Variants in RASGRF2 observed in about 807,000 individuals in gnomAD.
The protein encoded by RASGRF2 is Ras protein specific guanine nucleotide releasing factor 2, also known as ras-specific guanine nucleotide-releasing factor 2.
A neutral mutation model predicts 151.0 loss-of-function variants in RASGRF2; 76 were observed. That is an observed-to-expected ratio of 0.50 (90% CI 0.42 to 0.61). The LOEUF is 0.61. Among genes scored for constraint, RASGRF2 ranks in the 20% least tolerant of loss-of-function variants. The pLI, the probability that RASGRF2 is intolerant of heterozygous loss-of-function variation, is 0.00. For missense variants in RASGRF2, 1,148 were observed against 1,564.6 expected, an observed-to-expected ratio of 0.73 and a Z score of 4.49; for synonymous variants, 504 against 566.5, an observed-to-expected ratio of 0.89 and a Z score of 1.57.
intron 12 of RASGRF2, among the ~76,000 whole-genome samples, chr5:81,103,279 TATATAGGTATAGA>T (rs1265742027): frequency 6.6e-6 from 1 of 152,026 alleles, no homozygotes; most frequent in Non-Finnish European, 1.5e-5. Context: ...TCTATACCTA[TATATAGGTATAGA>T]ATATAGGTAT....
intron 17 of RASGRF2, among the ~76,000 whole-genome samples, chr5:81,150,022 T>C (rs1347002858): frequency 6.6e-6 from 1 of 152,126 alleles, no homozygotes; most frequent in Non-Finnish European, 1.5e-5. Flanking sequence ...TTCTTATTAC[T>C]TTAAGGAGGG....
At chr5:81,186,238 G>GT (rs1219666103) in intron 18 of RASGRF2, among the ~76,000 whole-genome samples, 1 of 152,198 alleles carries the variant, frequency 6.6e-6, no homozygotes, top group Admixed American at 6.5e-5. Context: ...AAACTTCAGT[G>GT]TGTAGGTCAG....
chr5:80,965,925 A>C (rs1747707429), intron 1 of RASGRF2, among the ~76,000 whole-genome samples: 1 of 152,178 alleles, frequency 6.6e-6, no homozygotes, highest in Non-Finnish European at 1.5e-5. Flanking sequence ...ATTTTTTGGA[A>C]TGAAATTACT....
chr5:81,208,909 A>G (rs1268572825), intron 22 of RASGRF2, among the ~76,000 whole-genome samples: 1 of 151,882 alleles, frequency 6.6e-6, no homozygotes, highest in Admixed American at 6.6e-5. Context: ...AATCTCTAAG[A>G]GCTCACAGTA....
At chr5:80,966,723 A>G (rs1350429607) in intron 1 of RASGRF2, among the ~76,000 whole-genome samples, 1 of 152,210 alleles carries the variant, frequency 6.6e-6, no homozygotes, top group African/African-American at 2.4e-5. Context: ...ACAGAGATGC[A>G]AAAAGCACAT....
intron 20 of RASGRF2, among the ~76,000 whole-genome samples, 162 bp from the exon 21 acceptor site, chr5:81,207,084 T>C (rs17228156): frequency 0.054 from 8,224 of 152,332 alleles, 278 homozygotes; most frequent in Middle Eastern, 0.12. Flanking sequence ...AAGATATTCA[T>C]GTTGGCTTTG....
At position 81,212,400 on chromosome 5, in the gene RASGRF2, A is replaced by G. The variant is rs528492388; in HGVS notation, c.3191A>G (p.Tyr1064Cys). ...CTGGTGGCCTCCCAGATAATGAACT[A>G]TGCTGATGTCAGCTCCCGTGCCAAC... ...SNLVASQIMN[Y>C]ADVSSRANAI... The change falls in exon 23 of 27, where the codon TAT becomes TGT. Residue 1064 changes from tyrosine (Y) to cysteine (C), a missense_variant. By Grantham distance (194) the Tyr-to-Cys change is radical (BLOSUM62 -2). Transcript: ENST00000265080. The G allele has an allele frequency of 1.6e-5, 26 of 1,613,430 alleles. No individual in the cohort carries two copies. The highest frequency in any genetic ancestry group is 3.3e-5 in the Admixed American group (2 of 59,938).
At chr5:81,219,574 G>A (rs1206090509) in intron 25 of RASGRF2, 136 bp from the exon 26 acceptor site, 5 of 635,120 alleles carry the variant, frequency 7.9e-6, no homozygotes, top group Non-Finnish European at 1.1e-5. Context: ...GGAATGGTCA[G>A]GCAGGCTCCA....
At chr5:81,089,392 A>C (rs982370275) in intron 9 of RASGRF2, among the ~76,000 whole-genome samples, 1 of 151,988 alleles carries the variant, frequency 6.6e-6, no homozygotes, top group Non-Finnish European at 1.5e-5. Context: ...CCTTATGTGA[A>C]TTTTTATTCA....
intron 2 of RASGRF2, among the ~76,000 whole-genome samples, chr5:81,043,238 AGCAC>A (rs1750734675): frequency 6.6e-6 from 1 of 152,222 alleles, no homozygotes; most frequent in African/African-American, 2.4e-5. Flanking sequence ...CTATGTGCCA[AGCAC>A]TATTATATGT....
chr5:81,112,458 A>G (rs1753023226), intron 13 of RASGRF2, 152 bp from the exon 14 acceptor site: 2 of 1,016,068 alleles, frequency 2.0e-6, no homozygotes, highest in Admixed American at 2.4e-5. Flanking sequence ...TCCCCCAAGA[A>G]TACTGAGGGA....
At chr5:80,995,696 T>TCCCCCG in intron 1 of RASGRF2, among the ~76,000 whole-genome samples, 1 of 111,798 alleles carries the variant, frequency 8.9e-6, no homozygotes, top group African/African-American at 3.3e-5. Context: ...CCCCCCCCTT[T>TCCCCCG]TTTTTTTTTT....
intron 17 of RASGRF2, among the ~76,000 whole-genome samples, chr5:81,136,480 G>T (rs1753756927): frequency 6.6e-6 from 1 of 152,024 alleles, no homozygotes; most frequent in Non-Finnish European, 1.5e-5. Flanking sequence ...CTTCTTGCTT[G>T]CCTGGTTTCT....
intron 17 of RASGRF2, among the ~76,000 whole-genome samples, chr5:81,155,264 A>T (rs1754233976): frequency 1.3e-5 from 2 of 152,180 alleles, no homozygotes; most frequent in Non-Finnish European, 1.5e-5. Context: ...TTTTTTACTA[A>T]CATCTTTCAC....
intron 1 of RASGRF2, among the ~76,000 whole-genome samples, chr5:81,034,811 G>C (rs992143392): frequency 2.3e-5 from 3 of 131,614 alleles, no homozygotes; most frequent in Admixed American, 1.5e-4. Context: ...GGGTGGGAGG[G>C]GGGTAGGGAT....
At chr5:81,086,991 T>A (rs1216169685) in intron 9 of RASGRF2, 38 bp downstream of exon 9, 2 of 1,531,692 alleles carry the variant, frequency 1.3e-6, no homozygotes, top group East Asian at 2.3e-5. Context: ...CCTGATGCGC[T>A]GTGCGGCTGT....
chr5:81,135,449 C>T (rs1345511058), intron 17 of RASGRF2, among the ~76,000 whole-genome samples: 1 of 152,170 alleles, frequency 6.6e-6, no homozygotes, highest in African/African-American at 2.4e-5. Context: ...TTCCTCTAGC[C>T]CTTTGCAACT....
chr5:81,171,586 A>G (rs1250434966), intron 17 of RASGRF2, among the ~76,000 whole-genome samples: 1 of 151,872 alleles, frequency 6.6e-6, no homozygotes, highest in Non-Finnish European at 1.5e-5. Context: ...TGTTCTGCAT[A>G]TTAACCATTT....
chr5:81,179,710 A>G (rs1208908480), intron 17 of RASGRF2, among the ~76,000 whole-genome samples: 1 of 152,228 alleles, frequency 6.6e-6, no homozygotes, highest in Non-Finnish European at 1.5e-5. Context: ...ACTGCTTCTC[A>G]GTACAGGGAT....
Sources: gnomAD v4.1 joint callset for allele counts (sites outside exome capture counted in the v4.1 genomes callset) on GRCh38, gnomAD v4.1.1 for gene constraint, MANE v1.5 for transcripts, NCBI Gene and HGNC (gene_info 2026-07-23, HGNC 2026-07-21) for gene names.